Variants in TNKS2 observed in about 807,000 individuals in gnomAD.
The protein encoded by TNKS2 is poly [ADP-ribose] polymerase tankyrase-2.
Under a neutral mutation model 137.6 loss-of-function variants are expected in TNKS2, and 72 were observed. The ratio of observed to expected loss-of-function variants is 0.52; its 90% confidence interval spans 0.43 to 0.64. The LOEUF (loss-of-function observed/expected upper bound fraction) is 0.64, where lower values mean the gene tolerates loss of function less well. TNKS2 is among the 30% of genes least tolerant of loss of function. The pLI is 0.00. For missense variants in TNKS2, 1,049 were observed against 1,410.2 expected (o/e 0.74, Z 4.10); for synonymous variants, 516 against 512.1 (o/e 1.01, Z -0.10).
At chr10:91,801,663 A>AT (rs374600131) in intron 1 of TNKS2, among the ~76,000 whole-genome samples, 4,378 of 152,116 alleles carry the variant, frequency 0.029, 194 homozygotes, top group East Asian at 0.21. Context: ...TAGTAGAGAC[A>AT]GGGTTTCAAC....
In TNKS2 at chr10:91,809,161, A is replaced by G. The variant is rs73325978; in HGVS notation, c.200-3822A>G. 2.0e-3 allele frequency among the ~76,000 whole-genome samples: 300 copies of G among 152,342 alleles called. 1 individual carries two copies. Among genetic ancestry groups the G allele is most frequent in the African/African-American group, 6.9e-3 (287 of 41,584 alleles). ...TTTAAGAAAGGAAGATGTAAACACT[A>G]TCTTTAAAGATATATATTAGCAGAT... is the stretch of plus-strand genomic sequence containing the variant. On this transcript the variant is annotated intron_variant, in intron 1 of 26. Coordinates refer to ENST00000371627, the MANE Select transcript of TNKS2 (RefSeq NM_025235.4).
At chr10:91,819,006 G>A (rs1473998815) in intron 3 of TNKS2, among the ~76,000 whole-genome samples, 8 of 152,016 alleles carry the variant, frequency 5.3e-5, no homozygotes, top group African/African-American at 1.9e-4. Context: ...CTTTTCCTGA[G>A]CATATTGATT....
At chr10:91,851,156 A>AAT in intron 20 of TNKS2, 60 bp from the exon 21 acceptor site, 1 of 1,580,260 alleles carries the variant, frequency 6.3e-7, no homozygotes, top group Non-Finnish European at 8.6e-7. Flanking sequence ...TGAAAACACC[A>AAT]ATATATGAAT....
intron 12 of TNKS2, among the ~76,000 whole-genome samples, chr10:91,836,134 A>G (rs1232761754): frequency 1.1e-4 from 15 of 142,304 alleles, no homozygotes; most frequent in Non-Finnish European, 2.2e-4. Flanking sequence ...CCTCAAATAT[A>G]TTCTCTTAAA....
In TNKS2 at chr10:91,863,201, C is replaced by A. The variant is rs986268895; in HGVS notation, c.*202C>A. 3 of 412,534 alleles carry A rather than the reference C, an allele frequency of 7.3e-6. No individual in the cohort carries two copies. The highest frequency in any genetic ancestry group is 8.2e-5 in the Admixed American group (2 of 24,370). The allele number at this position is 412,534 out of a possible 1,614,324, so 25.6% of individuals were successfully genotyped here. On this transcript the variant is annotated 3_prime_UTR_variant, in exon 27 of 27. Coordinates refer to ENST00000371627, the MANE Select transcript of TNKS2 (RefSeq NM_025235.4). Reference sequence around the variant, plus strand: ...GTTTTCTAAATATTTCCTGTTTTTTCAGCACTTTAACAGATGCCATTCCAG... The same window carrying A: ...GTTTTCTAAATATTTCCTGTTTTTTAAGCACTTTAACAGATGCCATTCCAG...
At position 91,804,986 on chromosome 10, in the gene TNKS2, A is replaced by G. The variant is rs137906137; in HGVS notation, c.199+6097A>G. On this transcript the variant is annotated intron_variant, in intron 1 of 26. Coordinates refer to ENST00000371627, the MANE Select transcript of TNKS2 (RefSeq NM_025235.4). ...ACCATGTTGGCTATGGTGGTCTCGAATTCCTGACCTCAGGTGATCCACCCA... is the reference window on the plus strand; with the variant it reads ...ACCATGTTGGCTATGGTGGTCTCGAGTTCCTGACCTCAGGTGATCCACCCA... Among the ~76,000 whole-genome samples, 1,355 of 152,236 alleles carry G rather than the reference A, an allele frequency of 8.9e-3. 6 individuals carry two copies. Among genetic ancestry groups the G allele is most frequent in the Middle Eastern group, 0.024 (7 of 294 alleles).
chr10:91,821,856 G>A (rs1173383476), intron 6 of TNKS2, among the ~76,000 whole-genome samples: 2 of 152,212 alleles, frequency 1.3e-5, no homozygotes, highest in Non-Finnish European at 2.9e-5. Flanking sequence ...TAAGCCTAGA[G>A]AGGGAGCCAG....
intron 21 of TNKS2, among the ~76,000 whole-genome samples, chr10:91,853,680 G>GA (rs767649418): frequency 6.6e-6 from 1 of 152,172 alleles, no homozygotes; most frequent in Non-Finnish European, 1.5e-5. Flanking sequence ...TCAAGCATTT[G>GA]TCACAGTCTT....
intron 13 of TNKS2, among the ~76,000 whole-genome samples, chr10:91,839,263 C>T (rs1488716004): frequency 1.3e-5 from 2 of 152,214 alleles, no homozygotes; most frequent in Non-Finnish European, 2.9e-5. Context: ...ACTACACTTC[C>T]TCCTCTGAAC....
Position 91,841,434 on chromosome 10 carries a change from A to G in TNKS2, c.1825A>G (p.Lys609Glu). ...AGCAAAAGGAAAATATGAAATTTGC[A>G]AACTTCTGCTCCAGGTATATTTAAA... Reference protein sequence around the residue: ...AAAKGKYEICKLLLQHGADPT... With the variant: ...AAAKGKYEICELLLQHGADPT... Residue 609 changes from lysine (K) to glutamate (E), a missense_variant, in exon 15 of 27, where the codon AAA (lysine) becomes GAA (glutamate). By Grantham distance (56) the Lys-to-Glu change is moderately conservative. Around this residue, in one of 6 missense-constraint regions of TNKS2, gnomAD observed 328 missense variants for 436.0 expected, o/e 0.75. Transcript: ENST00000371627. 1 of 1,607,112 alleles carries G rather than the reference A, an allele frequency of 6.2e-7. No homozygotes were observed. Among genetic ancestry groups the G allele is most frequent in the Non-Finnish European group, 8.5e-7 (1 of 1,177,236 alleles).
Position 91,822,329 on chromosome 10 carries a change from T to C in TNKS2, c.762T>C (p.Tyr254=), listed in dbSNP as rs1246428070. The C allele has an allele frequency of 1.5e-5, 24 of 1,613,520 alleles. No individual in the cohort carries two copies. Among genetic ancestry groups the C allele is most frequent in the East Asian group, 4.5e-5 (2 of 44,786 alleles). ...TACCATTACACAATGCCTGTTCTTA[T>C]GGTCATTATGAAGTAACTGAACTTT... ...DLVPLHNACS[Y]GHYEVTELLV... is the part of the protein sequence containing the mutation. The change falls in exon 7 of 27, where the codon TAT becomes TAC. Residue 254 remains tyrosine (Y), a synonymous_variant. Transcript: ENST00000371627.
At chr10:91,806,469 A>G (rs1270182614) in intron 1 of TNKS2, among the ~76,000 whole-genome samples, 6 of 152,156 alleles carry the variant, frequency 3.9e-5, no homozygotes, top group Admixed American at 1.3e-4. Flanking sequence ...TCAGTACATT[A>G]TAGCACAGTG....
intron 7 of TNKS2, among the ~76,000 whole-genome samples, chr10:91,823,722 TC>T (rs1201749737): frequency 6.6e-6 from 1 of 152,140 alleles, no homozygotes; most frequent in African/African-American, 2.4e-5. Flanking sequence ...CCTTTTAACT[TC>T]TGTTACCCTG....
At chr10:91,847,409 G>T (rs1041593649) in intron 18 of TNKS2, among the ~76,000 whole-genome samples, 6 of 152,006 alleles carry the variant, frequency 3.9e-5, no homozygotes, top group African/African-American at 1.4e-4. Context: ...CTGTCACCCA[G>T]ACTGTAGTGC....
At chr10:91,825,938 A>G (rs188217635) in intron 7 of TNKS2, among the ~76,000 whole-genome samples, 1 of 152,350 alleles carries the variant, frequency 6.6e-6, no homozygotes, top group Non-Finnish European at 1.5e-5. Context: ...ATAAAGTTAA[A>G]CATATATCTA....
At chr10:91,854,343 C>G (rs1438712424) in intron 21 of TNKS2, among the ~76,000 whole-genome samples, 2 of 152,106 alleles carry the variant, frequency 1.3e-5, no homozygotes, top group East Asian at 3.8e-4. Context: ...TTCCATAAAA[C>G]CCCTTATAAC....
chr10:91,859,342 G>A (rs554002131), intron 24 of TNKS2, 120 bp from the exon 25 acceptor site: 127 of 720,270 alleles, frequency 1.8e-4, no homozygotes, highest in Middle Eastern at 4.0e-4. Context: ...ACCCTTTTTC[G>A]TTTTGGCTTT....
intron 18 of TNKS2, among the ~76,000 whole-genome samples, chr10:91,846,283 G>A (rs1842368709): frequency 6.6e-6 from 1 of 152,208 alleles, no homozygotes; most frequent in South Asian, 2.1e-4. Flanking sequence ...AGATGGTACA[G>A]ACCATGGGTC....
At chr10:91,854,871 C>T (rs1485496149) in intron 21 of TNKS2, among the ~76,000 whole-genome samples, 158 bp from the exon 22 acceptor site, 1 of 146,814 alleles carries the variant, frequency 6.8e-6, no homozygotes, top group Non-Finnish European at 1.5e-5. Flanking sequence ...CCAGCCTAGC[C>T]TGGGCAACAA....
Sources: gnomAD v4.1 joint callset for allele counts (sites outside exome capture counted in the v4.1 genomes callset) on GRCh38, gnomAD v4.1.1 for gene constraint, gnomAD v4.1.1 regional missense constraint, MANE v1.5 for transcripts, NCBI Gene and HGNC (gene_info 2026-07-23, HGNC 2026-07-21) for gene names.